Variants in AUTS2 observed in about 807,000 individuals in gnomAD.
The protein encoded by AUTS2 is activator of transcription and developmental regulator AUTS2, also known as autism susceptibility gene 2 protein.
AUTS2 carries 17 observed loss-of-function variants against 112.4 expected under a neutral mutation model. That is an observed-to-expected ratio of 0.15 (90% CI 0.10 to 0.23). The LOEUF (loss-of-function observed/expected upper bound fraction) is 0.23, where lower values mean the gene tolerates loss of function less well. AUTS2 is among the 10% of genes least tolerant of loss of function. The pLI is 1.00. For missense variants in AUTS2, 1,510 were observed against 1,701.6 expected, an observed-to-expected ratio of 0.89 and a Z score of 1.98; for synonymous variants, 751 against 702.7, an observed-to-expected ratio of 1.07 and a Z score of -1.09.
intron 4 of AUTS2, among the ~76,000 whole-genome samples, chr7:70,344,077 G>T (rs1346749245): frequency 6.6e-6 from 1 of 152,064 alleles, no homozygotes; most frequent in East Asian, 1.9e-4. Context: ...GCAGGTTCAG[G>T]ATCAGTACTG....
At chr7:69,639,914 A>G (rs770507217) in intron 1 of AUTS2, among the ~76,000 whole-genome samples, 1 of 152,202 alleles carries the variant, frequency 6.6e-6, no homozygotes, top group Non-Finnish European at 1.5e-5. Context: ...TGTCTTTGCT[A>G]TATCTCTTAC....
At chr7:70,697,806 A>G (rs1318271675) in intron 5 of AUTS2, among the ~76,000 whole-genome samples, 1 of 152,224 alleles carries the variant, frequency 6.6e-6, no homozygotes, top group Non-Finnish European at 1.5e-5. Flanking sequence ...TTCAGTGCTG[A>G]AACATTACAG....
At chr7:69,990,731 T>C (rs1016927950) in intron 2 of AUTS2, among the ~76,000 whole-genome samples, 2 of 152,348 alleles carry the variant, frequency 1.3e-5, no homozygotes, top group South Asian at 2.1e-4. Flanking sequence ...GGGTATCCCT[T>C]ATCTGAAGTG....
At chr7:70,618,940 C>CT (rs1263111663) in intron 5 of AUTS2, among the ~76,000 whole-genome samples, 2 of 152,082 alleles carry the variant, frequency 1.3e-5, no homozygotes, top group Non-Finnish European at 2.9e-5. Flanking sequence ...TTTATTGTAC[C>CT]TTTTTTAACA....
intron 1 of AUTS2, among the ~76,000 whole-genome samples, chr7:69,789,805 G>A (rs143922344): frequency 6.6e-6 from 1 of 152,232 alleles, no homozygotes; most frequent in African/African-American, 2.4e-5. Flanking sequence ...GTGAGAAAAG[G>A]AGATGTTTAT....
chr7:70,790,515 C>CGCTCCACCG lies in AUTS2; in HGVS notation c.3304_3312dup (p.His1102_Leu1104dup). ...AGGGACTTCCTGCTAAGGAACGACC[C>CGCTCCACCG]GCTCCACCGGCTCTCGACTCCCCGG... On this transcript the variant is annotated inframe_insertion, in exon 19 of 19. Transcript: ENST00000342771. This position sits in a 1 kb window ranked among gnomAD's most constrained non-coding sequence, Gnocchi z 7.6. 1 of 1,611,160 alleles carries CGCTCCACCG rather than the reference C, an allele frequency of 6.2e-7. No individual in the cohort carries two copies. Among genetic ancestry groups the CGCTCCACCG allele is most frequent in the Non-Finnish European group, 8.5e-7 (1 of 1,179,090 alleles).
chr7:70,656,127 C>CCTCT (rs1806757246), intron 5 of AUTS2, among the ~76,000 whole-genome samples: 1 of 151,808 alleles, frequency 6.6e-6, no homozygotes, highest in Non-Finnish European at 1.5e-5. Flanking sequence ...GTGCTCTGTA[C>CCTCT]CTCTGTCTAT....
At chr7:70,043,017 TA>T (rs71978854) in intron 2 of AUTS2, among the ~76,000 whole-genome samples, 18,374 of 127,308 alleles carry the variant, frequency 0.14, 1,736 homozygotes, top group African/African-American at 0.3. Context: ...GCACACTCAC[TA>T]AAAAAAAAAA....
At chr7:69,642,646 T>C (rs767393156) in intron 1 of AUTS2, among the ~76,000 whole-genome samples, 2 of 152,228 alleles carry the variant, frequency 1.3e-5, no homozygotes, top group Non-Finnish European at 2.9e-5. Flanking sequence ...TTTGATACTG[T>C]TCTGATTACT....
At chr7:69,726,930 A>G (rs1163242587) in intron 1 of AUTS2, among the ~76,000 whole-genome samples, 1 of 152,170 alleles carries the variant, frequency 6.6e-6, no homozygotes, top group Non-Finnish European at 1.5e-5. Context: ...CTTGCCAGAT[A>G]TACATAATGT....
chr7:70,636,424 T>C (rs1805535714), intron 5 of AUTS2, among the ~76,000 whole-genome samples: 1 of 152,102 alleles, frequency 6.6e-6, no homozygotes, highest in Admixed American at 6.5e-5. Context: ...GACAGATCAC[T>C]TCCACTGACA....
chr7:70,039,986 G>A (rs1030430240), intron 2 of AUTS2, among the ~76,000 whole-genome samples: 11 of 152,184 alleles, frequency 7.2e-5, no homozygotes, highest in African/African-American at 2.4e-4. Context: ...GCATGAGGCT[G>A]CAGAGAAACA....
intron 5 of AUTS2, among the ~76,000 whole-genome samples, chr7:70,452,812 G>A (rs1796587527): frequency 6.6e-6 from 1 of 152,046 alleles, no homozygotes; most frequent in South Asian, 2.1e-4. Context: ...CAGGCGGTGG[G>A]CCCCCAAGGG....
At chr7:70,065,513 G>A (rs1802447418) in intron 2 of AUTS2, among the ~76,000 whole-genome samples, 1 of 152,070 alleles carries the variant, frequency 6.6e-6, no homozygotes, top group African/African-American at 2.4e-5. Flanking sequence ...GAGTAACATG[G>A]TGAAACCCCA....
intron 14 of AUTS2, among the ~76,000 whole-genome samples, chr7:70,780,601 C>T (rs1317210222): frequency 1.3e-5 from 2 of 152,136 alleles, no homozygotes; most frequent in African/African-American, 2.4e-5. Context: ...CCCTTCAACT[C>T]CTGAGCTCAG....
intron 1 of AUTS2, among the ~76,000 whole-genome samples, chr7:69,881,828 G>T (rs900350637): frequency 5.3e-5 from 8 of 152,148 alleles, no homozygotes; most frequent in Non-Finnish European, 1.2e-4. Flanking sequence ...GGAGCAAATT[G>T]TACTTTCTTC....
chr7:70,573,790 A>G (rs771096739), intron 5 of AUTS2, among the ~76,000 whole-genome samples: 1 of 151,152 alleles, frequency 6.6e-6, no homozygotes, highest in Non-Finnish European at 1.5e-5. Context: ...TTTTTTTAAC[A>G]CCATTGCATA....
intron 1 of AUTS2, among the ~76,000 whole-genome samples, chr7:69,637,257 A>G (rs897919099): frequency 1.3e-5 from 2 of 152,178 alleles, no homozygotes; most frequent in Non-Finnish European, 2.9e-5. Context: ...AAATTTCTAG[A>G]TATTGAATTA....
At chr7:70,133,980 G>A (rs758754497) in intron 3 of AUTS2, among the ~76,000 whole-genome samples, 1 of 152,158 alleles carries the variant, frequency 6.6e-6, no homozygotes, top group East Asian at 1.9e-4. Flanking sequence ...TACTAATTAC[G>A]TTTACAAAAT....
Sources: gnomAD v4.1 joint callset for allele counts (sites outside exome capture counted in the v4.1 genomes callset) on GRCh38, gnomAD v4.1.1 for gene constraint, Gnocchi (gnomAD v3.1) non-coding constraint, MANE v1.5 for transcripts, NCBI Gene and HGNC (gene_info 2026-07-23, HGNC 2026-07-21) for gene names.